KRT74: variants seen among roughly 807,000 people sequenced by gnomAD.
KRT74 encodes keratin 74, also known as keratin, type II cytoskeletal 74.
In KRT74, 43 loss-of-function variants were observed where a neutral mutation model predicts 42.7. The ratio of observed to expected loss-of-function variants is 1.01; its 90% CI spans 0.79 to 1.30. The LOEUF (loss-of-function observed/expected upper bound fraction) is 1.30, where lower values mean the gene tolerates loss of function less well. Ranked by LOEUF, KRT74 falls within the 50% of genes most tolerant of loss-of-function variation. The pLI is 0.00. For missense variants in KRT74, 736 were observed against 689.1 expected (o/e 1.07, Z -0.76); for synonymous variants, 302 against 279.0 (o/e 1.08, Z -0.82).
Position 52,573,303 on chromosome 12 carries a change from C to T in KRT74, c.471+4G>A. 7.4e-6 allele frequency: 12 copies of T among 1,613,894 alleles called. No individual in the cohort carries two copies. Among genetic ancestry groups the T allele is most frequent in the Non-Finnish European group, 1.0e-5 (12 of 1,179,790 alleles). On this transcript the variant is annotated splice_donor_region_variant and intron_variant, in intron 1 of 8. Coordinates refer to ENST00000305620, the MANE Select transcript of KRT74 (RefSeq NM_175053.4). ...CGGCCTCATCCTCCTCCTATGAGACCCACCTTGTCAATGAAGGAGGCGAAC... is the reference window on the plus strand; with the variant it reads ...CGGCCTCATCCTCCTCCTATGAGACTCACCTTGTCAATGAAGGAGGCGAAC...
chr12:52,569,267 C>G (rs919148402), intron 6 of KRT74, among the ~76,000 whole-genome samples: 1 of 135,950 alleles, frequency 7.4e-6, no homozygotes, highest in African/African-American at 2.7e-5. Context: ...CCCACCCCCA[C>G]CCCCCCGCCC....
intron 5 of KRT74, among the ~76,000 whole-genome samples, chr12:52,570,321 C>T (rs1001718843): frequency 2.6e-5 from 4 of 152,202 alleles, no homozygotes; most frequent in Non-Finnish European, 4.4e-5. Context: ...GCTACACTCC[C>T]GCAAGTCTGT....
intron 5 of KRT74, among the ~76,000 whole-genome samples, chr12:52,570,329 T>C (rs1013171288): frequency 2.6e-5 from 4 of 152,180 alleles, no homozygotes; most frequent in African/African-American, 9.6e-5. Context: ...CCCGCAAGTC[T>C]GTGATTCTCC....
In KRT74 at chr12:52,573,541, A is replaced by AG; in HGVS notation, c.236dup (p.Gly80TrpfsTer53). 1 of 1,614,096 alleles carries AG rather than the reference A, an allele frequency of 6.2e-7. No homozygotes were observed. Among genetic ancestry groups the AG allele is most frequent in the Non-Finnish European group, 8.5e-7 (1 of 1,180,022 alleles). On this transcript the variant is annotated frameshift_variant, in exon 1 of 9. Coordinates refer to ENST00000305620, the MANE Select transcript of KRT74 (RefSeq NM_175053.4). LOFTEE classifies it high-confidence loss of function. ...CACTGGCCCGGCCCCCTCCATACCCAGAGCCAGGCCTGAAGCCGTAACCTC... is the reference window on the plus strand; with the variant it reads ...CACTGGCCCGGCCCCCTCCATACCCAGGAGCCAGGCCTGAAGCCGTAACCTC...
At chr12:52,571,766 G>A (rs1161525579) in intron 3 of KRT74, among the ~76,000 whole-genome samples, 178 bp downstream of exon 3, 2 of 152,154 alleles carry the variant, frequency 1.3e-5, no homozygotes, top group African/African-American at 2.4e-5. Context: ...CATTTCCTGA[G>A]TGTGTGTCTT....
At position 52,567,333 on chromosome 12, in the gene KRT74, T is replaced by C. The variant is rs17114883; in HGVS notation, c.1391-165A>G. Among the ~76,000 whole-genome samples, 1,280 of 152,258 alleles carry C rather than the reference T, an allele frequency of 8.4e-3. 18 individuals are homozygous for C. Among genetic ancestry groups the C allele is most frequent in the African/African-American group, 0.029 (1,214 of 41,542 alleles). On this transcript the variant is annotated intron_variant, in intron 8 of 8. Transcript: ENST00000305620. ...ACTACAGAGATGAACTGAGAGCCTA[T>C]TACGGGCCGGACTTCGTGTGAGGTG...
rs1939501250 is a variant in KRT74, at chr12:52,572,437, G to A, written c.686+16C>T. On this transcript the variant is annotated intron_variant, in intron 2 of 8. Transcript: ENST00000305620. Reference sequence around the variant, plus strand: ...CGGGAAACATGGTCTGTGACCCTCGGGTGGAGCCTGCTCACCTCTTCTTAT... The same window carrying A: ...CGGGAAACATGGTCTGTGACCCTCGAGTGGAGCCTGCTCACCTCTTCTTAT... The A allele has an allele frequency of 6.8e-6, 11 of 1,613,404 alleles. No homozygotes were observed. Among genetic ancestry groups the A allele is most frequent in the Non-Finnish European group, 7.6e-6 (9 of 1,179,494 alleles).
At position 52,570,764 on chromosome 12, in the gene KRT74, G is replaced by T. The variant is rs762908755; in HGVS notation, c.913C>A (p.Leu305Met). 1 of 1,614,262 alleles carries T rather than the reference G, an allele frequency of 6.2e-7. No individual in the cohort carries two copies. Among genetic ancestry groups the T allele is most frequent in the South Asian group, 1.1e-5 (1 of 91,092 alleles). ...TCAGCGATGATGCTGTCAAGGTCCA[G>T]GTCCCGGTTGTTGTCCATGGACAGG... is the stretch of plus-strand genomic sequence containing the variant. Reference protein sequence around the residue: ...VILSMDNNRDLDLDSIIAEVR... With the variant: ...VILSMDNNRDMDLDSIIAEVR... The change falls in exon 5 of 9, where the codon CTG becomes ATG. Residue 305 changes from leucine to methionine, a missense_variant. By Grantham distance (15) the Leu-to-Met change is conservative. Transcript: ENST00000305620.
At position 52,573,290 on chromosome 12, in the gene KRT74, C is replaced by A. The variant is rs1268742118; in HGVS notation, c.471+17G>T. ...AGGCCTCAGGGTGCGGCCTCATCCTCCTCCTATGAGACCCACCTTGTCAAT... is the reference window on the plus strand; with the variant it reads ...AGGCCTCAGGGTGCGGCCTCATCCTACTCCTATGAGACCCACCTTGTCAAT... On this transcript the variant is annotated intron_variant, in intron 1 of 8. Transcript: ENST00000305620. The A allele has an allele frequency of 6.2e-7, 1 of 1,611,040 alleles. No homozygotes were observed. The highest frequency in any genetic ancestry group is 2.2e-5 in the East Asian group (1 of 44,858).
At chr12:52,573,228 G>T in intron 1 of KRT74, 79 bp downstream of exon 1, 1 of 1,371,010 alleles carries the variant, frequency 7.3e-7, no homozygotes, top group Non-Finnish European at 1.0e-6. Flanking sequence ...TCCAGCCACA[G>T]TGTGCAGTCC....
Position 52,573,806 on chromosome 12 carries a change from G to A in KRT74, c.-29C>T, listed in dbSNP as rs750298952. ...GGGAAAGGTTGAGTTGACAGAGCTG[G>A]AGAAAAGCAGTCTCCAAGGGGTAGA... On this transcript the variant is annotated 5_prime_UTR_variant, in exon 1 of 9. Transcript: ENST00000305620. 1.9e-6 allele frequency: 3 copies of A among 1,565,730 alleles called. No homozygotes were observed. The highest frequency in any genetic ancestry group is 2.6e-6 in the Non-Finnish European group (3 of 1,137,522).
chr12:52,570,731 T>C lies in KRT74; in HGVS notation c.946A>G (p.Met316Val). Residue 316 changes from methionine to valine, a missense_variant, in exon 5 of 9, where the codon ATG (methionine) becomes GTG (valine). Met to Val is a conservative substitution (Grantham distance 21). Coordinates refer to ENST00000305620, the MANE Select transcript of KRT74 (RefSeq NM_175053.4). Reference protein sequence around the residue: ...DLDSIIAEVRMHYEEIALKSK... With the variant: ...DLDSIIAEVRVHYEEIALKSK... ...TTCAGGGCGATCTCCTCATAATGCA[T>C]GCGGACCTCAGCGATGATGCTGTCA... 1 of 1,614,132 alleles carries C rather than the reference T, an allele frequency of 6.2e-7. No individual in the cohort carries two copies.
In KRT74 at chr12:52,566,897, G is replaced by T; in HGVS notation, c.*72C>A. On this transcript the variant is annotated 3_prime_UTR_variant, in exon 9 of 9. Coordinates refer to ENST00000305620, the MANE Select transcript of KRT74 (RefSeq NM_175053.4). ...TAAAACTCAGGGCCTGGGAACTTGGGTGTGGCAGACACCTTTGGGGGTGGC... is the reference window on the plus strand; with the variant it reads ...TAAAACTCAGGGCCTGGGAACTTGGTTGTGGCAGACACCTTTGGGGGTGGC... 1 of 1,324,048 alleles carries T rather than the reference G, an allele frequency of 7.6e-7. No homozygotes were observed. Among genetic ancestry groups the T allele is most frequent in the Non-Finnish European group, 1.1e-6 (1 of 943,996 alleles). The allele number at this position is 1,324,048 out of a possible 1,614,324, so 82.0% of individuals were successfully genotyped here.
chr12:52,571,920 TA>T, intron 3 of KRT74, 23 bp downstream of exon 3: 1 of 1,459,350 alleles, frequency 6.9e-7, no homozygotes, highest in Non-Finnish European at 9.6e-7. Context: ...GAGACCCTAA[TA>T]AGGAGGCTCC....
In KRT74 at chr12:52,567,103, TG is replaced by T; in HGVS notation, c.1455del (p.Ser486AlafsTer75). 6.2e-7 allele frequency: 1 copy of T among 1,604,666 alleles called. No individual in the cohort carries two copies. Among genetic ancestry groups the T allele is most frequent in the Non-Finnish European group, 8.5e-7 (1 of 1,172,662 alleles). On this transcript the variant is annotated frameshift_variant, in exon 9 of 9. Transcript: ENST00000305620. LOFTEE classifies it low-confidence loss of function (END_TRUNC). ...CTGCCAGAGCTGCCTGCCACAGCGC[TG>T]GCCCCAAGGTCAACACCCGCAGAGC... ...HPSSAGVDLG[A>X]SAVAGSSGST...
intron 6 of KRT74, among the ~76,000 whole-genome samples, chr12:52,568,894 TC>T (rs1313873521): frequency 6.6e-6 from 1 of 152,146 alleles, no homozygotes; most frequent in African/African-American, 2.4e-5. Context: ...CATCTGGCCT[TC>T]CCTTAGAGCA....
rs892868064 is a variant in KRT74 at position 52,570,974 on chromosome 12, G to A, written c.844-141C>T. Reference sequence around the variant, plus strand: ...AGTAGGGGGAAGAAGTGCCCTCTGGGATGTGTCTGCAGAGCTGAGGGAGAG... The same window carrying A: ...AGTAGGGGGAAGAAGTGCCCTCTGGAATGTGTCTGCAGAGCTGAGGGAGAG... On this transcript the variant is annotated intron_variant, in intron 4 of 8. Transcript: ENST00000305620. 19 of 968,694 alleles carry A rather than the reference G, an allele frequency of 2.0e-5. No individual in the cohort carries two copies. The African/African-American group carries it at 2.7e-4, about 14-fold the overall frequency. The allele number at this position is 968,694 out of a possible 1,614,324, so 60.0% of individuals were successfully genotyped here. A position where few individuals can be genotyped will look rare whatever the true frequency, so the allele number is the denominator to read the frequency against.
At position 52,568,362 on chromosome 12, in the gene KRT74, C is replaced by T; in HGVS notation, c.1162G>A (p.Asp388Asn). The change falls in exon 7 of 9, where the codon GAC (aspartate) becomes AAC (asparagine). Residue 388 changes from aspartate (D) to asparagine (N), a missense_variant. Asp to Asn is a conservative substitution (Grantham distance 23). Transcript: ENST00000305620. Reference sequence around the variant, plus strand: ...GCATTGTCTCCCCGCTGCTCAGCGTCAGCGATGGCCGTCTCCAGGCTGGCA... The same window carrying T: ...GCATTGTCTCCCCGCTGCTCAGCGTTAGCGATGGCCGTCTCCAGGCTGGCA... ...QRASLETAIA[D>N]AEQRGDNALK... is the part of the protein sequence containing the mutation. 6.2e-7 allele frequency: 1 copy of T among 1,614,256 alleles called. No individual in the cohort carries two copies. The highest frequency in any genetic ancestry group is 2.2e-5 in the East Asian group (1 of 44,888).
At position 52,573,495 on chromosome 12, in the gene KRT74, C is replaced by T. The variant is rs1256665724; in HGVS notation, c.283G>A (p.Gly95Ser). The change falls in exon 1 of 9, where the codon GGC becomes AGC. Residue 95 changes from glycine to serine, a missense_variant. By Grantham distance (56) the Gly-to-Ser change is moderately conservative. Coordinates refer to ENST00000305620, the MANE Select transcript of KRT74 (RefSeq NM_175053.4). ...CATGCAGGCCCCAGGGCCACACTGC[C>T]AAACATACTGCCAGCAAAGCCACTG... The part of the protein sequence containing the change: ...RASGFAGSMF[G>S]SVALGPACLS... The T allele has an allele frequency of 4.3e-6, 7 of 1,614,194 alleles. No individual in the cohort carries two copies. Among genetic ancestry groups the T allele is most frequent in the Non-Finnish European group, 5.9e-6 (7 of 1,180,040 alleles).
Sources: gnomAD v4.1 joint callset for allele counts (sites outside exome capture counted in the v4.1 genomes callset) on GRCh38, gnomAD v4.1.1 for gene constraint, MANE v1.5 for transcripts, NCBI Gene and HGNC (gene_info 2026-07-23, HGNC 2026-07-21) for gene names.